THAP5: variants seen among roughly 807,000 people sequenced by gnomAD.
The protein encoded by THAP5 is THAP domain-containing protein 5.
THAP5 carries 26 observed loss-of-function variants against 34.0 expected under a neutral mutation model. The observed-to-expected ratio is 0.77, with a 90% CI of 0.56 to 1.06. The LOEUF (loss-of-function observed/expected upper bound fraction) is 1.06, where lower values mean the gene tolerates loss of function less well. THAP5 is among the 50% of genes least tolerant of loss of function. THAP5 has a pLI of 0.00. For synonymous variants in THAP5, 125 were observed against 153.0 expected (o/e 0.82, Z 1.35); for missense variants, 394 against 452.8 (o/e 0.87, Z 1.18).
the THAP5 span, among the ~76,000 whole-genome samples, chr7:108,545,989 G>C: frequency 6.6e-6 from 1 of 152,150 alleles, no homozygotes; most frequent in Non-Finnish European, 1.5e-5. Flanking sequence ...TAGGGCAAAA[G>C]AGCCAGCACA....
chr7:108,569,166 G>C, intron 1 of THAP5: 3 of 1,177,612 alleles, frequency 2.5e-6, no homozygotes, highest in Non-Finnish European at 3.2e-6. Context: ...ATCTTAAATG[G>C]TGGTTAATGT....
Position 108,564,336 on chromosome 7 carries a change from AG to A in THAP5, c.1042del (p.Leu348Ter). ...VSKLHSKITLLELKEQQTLGR... is the reference protein window; with the variant it reads ...VSKLHSKITLXELKEQQTLGR... Reference sequence around the variant, plus strand: ...TAGAGTTTGTTGCTCTTTTAACTCTAGAAGAGTTATCTTTGAATGTAGCTTA... The same window carrying A: ...TAGAGTTTGTTGCTCTTTTAACTCTAAAGAGTTATCTTTGAATGTAGCTTA... On this transcript the variant is annotated frameshift_variant, in exon 3 of 3. Coordinates refer to ENST00000415914, the MANE Select transcript of THAP5 (RefSeq NM_001130475.3). LOFTEE classifies it high-confidence loss of function. 6.2e-7 allele frequency: 1 copy of A among 1,613,880 alleles called. No homozygotes were observed. The highest frequency in any genetic ancestry group is 1.1e-5 in the South Asian group (1 of 91,076).
exon 2 of THAP5, chr7:108,554,838 T>C (rs1336624094): frequency 6.6e-6 from 1 of 152,228 alleles, no homozygotes; most frequent in Non-Finnish European, 1.5e-5. Context: ...CTCAACACCT[T>C]CCTTTTACGT....
Position 108,564,056 on chromosome 7 carries a change from C to G in THAP5, c.*135G>C. ...AAATAAGTATTACAAGAATAGGATA[C>G]AGTTCATAACTTTACAACACTCTCA... On this transcript the variant is annotated 3_prime_UTR_variant, in exon 3 of 3. Transcript: ENST00000415914. 4.7e-6 allele frequency: 3 copies of G among 643,002 alleles called. No individual in the cohort carries two copies. In the East Asian group the frequency reaches 8.7e-5, roughly 19 times the overall value. The allele number at this position is 643,002 out of a possible 1,614,324, so 39.8% of individuals were successfully genotyped here.
At chr7:108,551,280 G>A (rs1864352093), downstream of THAP5, among the ~76,000 whole-genome samples, 1 of 152,182 alleles carries the variant, frequency 6.6e-6, no homozygotes, top group Non-Finnish European at 1.5e-5. Context: ...ACAGTGTTGG[G>A]AGGTGGGGCT....
In THAP5 at chr7:108,564,692, G is replaced by A; in HGVS notation, c.687C>T (p.Thr229=). ...TAAAGTTTGGATTAGCAAGATGACT[G>A]GTAGTTACTTCAAGAACTTCTTGAG... ...LETQEVLEVT[T]SHLANPNFTS... The change falls in exon 3 of 3, where the codon ACC becomes ACT. Residue 229 remains threonine (T), a synonymous_variant. Transcript: ENST00000415914. The A allele has an allele frequency of 1.2e-6, 2 of 1,613,898 alleles. No individual in the cohort carries two copies. Among genetic ancestry groups the A allele is most frequent in the Non-Finnish European group, 1.7e-6 (2 of 1,179,934 alleles).
At chr7:108,558,377 G>GTGTGTGTGTATATATATA (rs1401164750), downstream of THAP5, among the ~76,000 whole-genome samples, 101 of 62,950 alleles carry the variant, frequency 1.6e-3, no homozygotes, top group Non-Finnish European at 2.1e-3. Flanking sequence ...ATGTGTGTGT[G>GTGTGTGTGTATATATATA]TATGTATATA....
chr7:108,553,778 A>G (rs868375039), downstream of THAP5, among the ~76,000 whole-genome samples: 20 of 152,274 alleles, frequency 1.3e-4, no homozygotes, highest in Middle Eastern at 6.8e-3. Context: ...ATATTTCCCA[A>G]TGGCAGCTCC....
intron 1 of THAP5, among the ~76,000 whole-genome samples, chr7:108,556,581 A>G (rs907855743): frequency 4.6e-5 from 7 of 152,202 alleles, no homozygotes; most frequent in African/African-American, 1.2e-4. Context: ...CATGTCTCAT[A>G]TCCAAGGCAT....
At chr7:108,556,633 T>C (rs914830294) in intron 1 of THAP5, among the ~76,000 whole-genome samples, 4 of 152,182 alleles carry the variant, frequency 2.6e-5, no homozygotes, top group African/African-American at 9.6e-5. Context: ...GGGCAGCTCT[T>C]CCCCTGTGAC....
the THAP5 span, among the ~76,000 whole-genome samples, chr7:108,549,363 G>A: frequency 1.3e-4 from 20 of 152,058 alleles, no homozygotes; most frequent in Admixed American, 1.1e-3. Context: ...CTCATGATCC[G>A]CCCGCCTCGG....
chr7:108,541,810 A>G, the THAP5 span, among the ~76,000 whole-genome samples: 1 of 152,336 alleles, frequency 6.6e-6, no homozygotes, highest in South Asian at 2.1e-4. Context: ...CTCAAGAAGC[A>G]AATCCCCTGT....
At chr7:108,566,899 G>A (rs1790498604) in intron 1 of THAP5, among the ~76,000 whole-genome samples, 1 of 152,132 alleles carries the variant, frequency 6.6e-6, no homozygotes, top group African/African-American at 2.4e-5. Flanking sequence ...AACAATATTT[G>A]AAAATGGTTT....
At chr7:108,541,841 T>C in the THAP5 span, among the ~76,000 whole-genome samples, 5 of 152,232 alleles carry the variant, frequency 3.3e-5, no homozygotes, top group South Asian at 2.1e-4. Context: ...TTCAATCATA[T>C]AAATGCATTT....
chr7:108,556,022 G>A (rs1428430918), intron 1 of THAP5, among the ~76,000 whole-genome samples: 1 of 152,112 alleles, frequency 6.6e-6, no homozygotes, highest in African/African-American at 2.4e-5. Context: ...TCTTCAGATG[G>A]CAGGGCAGGA....
In THAP5 at chr7:108,556,224, G is replaced by A. The variant is rs138922182; in HGVS notation, n.109-1365C>T. 1.0e-3 allele frequency among the ~76,000 whole-genome samples: 153 copies of A among 152,224 alleles called. 3 individuals carry two copies. The East Asian group carries it at 0.026, about 26-fold the overall frequency. Reference sequence around the variant, plus strand: ...ACAAAGAGCCAAACCATATCATTCTGCCCCTTGCCCCTCCCAAATCTCATG... The same window carrying A: ...ACAAAGAGCCAAACCATATCATTCTACCCCTTGCCCCTCCCAAATCTCATG... On this transcript the variant is annotated intron_variant and non_coding_transcript_variant, in intron 1 of 1. Transcript: ENST00000468884.
chr7:108,549,481 GA>G, the THAP5 span, among the ~76,000 whole-genome samples: 3 of 152,088 alleles, frequency 2.0e-5, no homozygotes, highest in East Asian at 5.8e-4. Flanking sequence ...GGTAGATGAG[GA>G]TTTGCTCTGT....
rs1790402030 is a variant in THAP5 at position 108,563,527 on chromosome 7, G to A, written c.*664C>T. On this transcript the variant is annotated 3_prime_UTR_variant, in exon 3 of 3. Coordinates refer to ENST00000415914, the MANE Select transcript of THAP5 (RefSeq NM_001130475.3). ...CACTCCAGCCTGGGTTACAGAGTGAGACTCCATCTCAAAAAAAAAAAAAAA... is the reference window on the plus strand; with the variant it reads ...CACTCCAGCCTGGGTTACAGAGTGAAACTCCATCTCAAAAAAAAAAAAAAA... 1 of 107,562 alleles carries A rather than the reference G, an allele frequency of 9.3e-6. No homozygotes were observed. The highest frequency in any genetic ancestry group is 1.7e-5 in the Non-Finnish European group (1 of 58,958). The allele number at this position is 107,562 out of a possible 1,614,324, so 6.7% of individuals were successfully genotyped here.
Position 108,569,676 on chromosome 7 carries a change from C to G in THAP5, c.-107G>C. 1.4e-6 allele frequency: 2 copies of G among 1,422,288 alleles called. No homozygotes were observed. Among genetic ancestry groups the G allele is most frequent in the East Asian group, 2.5e-5 (1 of 40,046 alleles). The allele number at this position is 1,422,288 out of a possible 1,614,324, so 88.1% of individuals were successfully genotyped here. A position where few individuals can be genotyped will look rare whatever the true frequency, so the allele number is the denominator to read the frequency against. ...GGCCTCTCGAGCCCCTGCGCCTGCG[C>G]TAGCATTCTGCCGGGAAAGCCGCCT... On this transcript the variant is annotated 5_prime_UTR_variant, in exon 1 of 3. Coordinates refer to ENST00000415914, the MANE Select transcript of THAP5 (RefSeq NM_001130475.3).
Sources: gnomAD v4.1 joint callset for allele counts (sites outside exome capture counted in the v4.1 genomes callset) on GRCh38, gnomAD v4.1.1 for gene constraint, MANE v1.5 for transcripts, NCBI Gene and HGNC (gene_info 2026-07-23, HGNC 2026-07-21) for gene names.